The following RANBP9 variants were observed in gnomAD, a reference collection of about 807,000 sequenced individuals.
RANBP9 encodes the protein ran-binding protein 9.
RANBP9 carries 15 observed loss-of-function variants against 84.3 expected under a neutral mutation model. The observed-to-expected ratio is 0.18, with a 90% CI of 0.12 to 0.27. The LOEUF is 0.27. Among genes scored for constraint, RANBP9 ranks in the 10% least tolerant of loss-of-function variants. The pLI is 1.00. For synonymous variants in RANBP9, 392 were observed against 349.6 expected, an observed-to-expected ratio of 1.12 and a Z score of -1.35; for missense variants, 809 against 912.8, an observed-to-expected ratio of 0.89 and a Z score of 1.46.
intron 8 of RANBP9, 103 bp downstream of exon 8, chr6:13,641,096 G>A (rs1041363366): frequency 1.9e-5 from 14 of 736,758 alleles, no homozygotes; most frequent in African/African-American, 1.7e-4. Context: ...CTTGAAAAAC[G>A]AAAAAAACTA....
intron 12 of RANBP9, among the ~76,000 whole-genome samples, chr6:13,629,895 G>C (rs1007464974): frequency 1.4e-5 from 2 of 143,822 alleles, no homozygotes; most frequent in African/African-American, 5.2e-5. Flanking sequence ...TCATGTCTCT[G>C]TCTCTCTCTC....
At position 13,691,191 on chromosome 6, in the gene RANBP9, G is replaced by T. The variant is rs547421227; in HGVS notation, c.683+5594C>A. 2.7e-5 allele frequency among the ~76,000 whole-genome samples: 4 copies of T among 149,300 alleles called. No individual in the cohort carries two copies. The South Asian group carries it at 8.4e-4, about 31-fold the overall frequency. On this transcript the variant is annotated intron_variant, in intron 2 of 13. Coordinates refer to ENST00000011619, the MANE Select transcript of RANBP9 (RefSeq NM_005493.3). ...AAAAAAAAAAAAAAAAAGTCATGTAGATAAAGTGATTTAATTTTTCTTGTG... is the reference window on the plus strand; with the variant it reads ...AAAAAAAAAAAAAAAAAGTCATGTATATAAAGTGATTTAATTTTTCTTGTG...
At chr6:13,647,061 T>C (rs1214038425) in intron 5 of RANBP9, among the ~76,000 whole-genome samples, 1 of 152,206 alleles carries the variant, frequency 6.6e-6, no homozygotes, top group Admixed American at 6.5e-5. Flanking sequence ...AATAACCCTT[T>C]CATCTACTGT....
intron 2 of RANBP9, among the ~76,000 whole-genome samples, chr6:13,691,647 G>GT (rs373221884): frequency 3.3e-3 from 483 of 148,378 alleles, no homozygotes; most frequent in African/African-American, 5.0e-3. Context: ...AAAACTCAGT[G>GT]TTTTTTTTTT....
rs1446581013 is a variant in RANBP9 at position 13,711,020 on chromosome 6, C to G, written c.486G>C (p.Glu162Asp). The stretch of plus-strand genomic sequence containing the variant: ...GGCTCCAGGACCGAGGCAGCGGCGT[C>G]TCTTGTTCGTCCACGGCCGGGTAGA... ...KRLYPAVDEQ[E>D]TPLPRSWSPK... The change falls in exon 1 of 14, where the codon GAG (glutamate) becomes GAC (aspartate). Residue 162 changes from glutamate to aspartate, a missense_variant. Glu to Asp is a conservative substitution (Grantham distance 45, BLOSUM62 2). Around this residue, in one of 5 missense-constraint regions of RANBP9, gnomAD observed 302 missense variants for 240.1 expected, o/e 1.26. Transcript: ENST00000011619. 16 of 1,605,034 alleles carry G rather than the reference C, an allele frequency of 1.0e-5. No individual in the cohort carries two copies. Among genetic ancestry groups the G allele is most frequent in the Non-Finnish European group, 1.4e-5 (16 of 1,176,322 alleles).
chr6:13,705,004 C>CT (rs1207947079), intron 1 of RANBP9, among the ~76,000 whole-genome samples: 1 of 152,188 alleles, frequency 6.6e-6, no homozygotes, highest in Admixed American at 6.5e-5. Flanking sequence ...TTCTCCACCT[C>CT]TGAGTGTCCA....
At chr6:13,633,775 T>C (rs1764858226) in intron 11 of RANBP9, among the ~76,000 whole-genome samples, 1 of 152,162 alleles carries the variant, frequency 6.6e-6, no homozygotes, top group African/African-American at 2.4e-5. Flanking sequence ...AACATTGCCA[T>C]GGAATTCCAA....
chr6:13,635,013 C>T (rs1222727309), intron 10 of RANBP9, among the ~76,000 whole-genome samples: 1 of 152,128 alleles, frequency 6.6e-6, no homozygotes. Context: ...CACCTCGTTC[C>T]GGACCTCATA....
At chr6:13,650,925 C>T (rs1765281767) in intron 5 of RANBP9, among the ~76,000 whole-genome samples, 1 of 152,100 alleles carries the variant, frequency 6.6e-6, no homozygotes, top group South Asian at 2.1e-4. Context: ...GATCACACCA[C>T]TGCACTCCAA....
At chr6:13,664,465 T>TTTCTTTA (rs1006515815) in intron 2 of RANBP9, among the ~76,000 whole-genome samples, 57 of 151,882 alleles carry the variant, frequency 3.8e-4, no homozygotes, top group African/African-American at 1.3e-3. Flanking sequence ...GGCTTTTCTT[T>TTTCTTTA]TTTTTTAATC....
chr6:13,705,488 T>C (rs889831498), intron 1 of RANBP9, among the ~76,000 whole-genome samples: 2 of 151,552 alleles, frequency 1.3e-5, no homozygotes, highest in African/African-American at 4.9e-5. Flanking sequence ...ATTTACTTGA[T>C]TCTTGCAGTT....
At chr6:13,649,258 C>T (rs1392128427) in intron 5 of RANBP9, among the ~76,000 whole-genome samples, 1 of 151,920 alleles carries the variant, frequency 6.6e-6, no homozygotes, top group African/African-American at 2.4e-5. Context: ...ACCACTGTAC[C>T]CATTGTTACA....
intron 1 of RANBP9, among the ~76,000 whole-genome samples, chr6:13,703,156 G>A: frequency 6.6e-6 from 1 of 152,090 alleles, no homozygotes; most frequent in Non-Finnish European, 1.5e-5. Flanking sequence ...GGGATTACAG[G>A]TGTGAGCCAC....
Position 13,657,174 on chromosome 6 carries a change from A to T in RANBP9, c.839T>A (p.Val280Asp), listed in dbSNP as rs1410877608. The T allele has an allele frequency of 6.2e-7, 1 of 1,613,242 alleles. No individual in the cohort carries two copies. Among genetic ancestry groups the T allele is most frequent in the Admixed American group, 1.7e-5 (1 of 59,968 alleles). ...PYGPTFTTGD[V>D]IGCCVNLINN... ...GATAAGATTAACACAACAGCCAATG[A>T]CATCACCAGTAGTGAAAGTTGGTCC... Residue 280 changes from valine to aspartate, a missense_variant, in exon 4 of 14, where the codon GTC becomes GAC. Around this residue, in one of 5 missense-constraint regions of RANBP9, gnomAD observed 216 missense variants for 329.0 expected, o/e 0.66. Transcript: ENST00000011619.
At chr6:13,690,531 CA>C (rs1157416259) in intron 2 of RANBP9, among the ~76,000 whole-genome samples, 1 of 152,078 alleles carries the variant, frequency 6.6e-6, no homozygotes. Flanking sequence ...TTATTATCAG[CA>C]GAAGAATTTA....
intron 8 of RANBP9, among the ~76,000 whole-genome samples, 197 bp downstream of exon 8, chr6:13,641,002 A>G (rs1471303406): frequency 3.9e-5 from 6 of 152,200 alleles, no homozygotes; most frequent in Non-Finnish European, 1.5e-5. Flanking sequence ...AATACATAGC[A>G]AAAGACACCT....
intron 5 of RANBP9, among the ~76,000 whole-genome samples, chr6:13,650,641 A>G (rs956541408): frequency 5.3e-5 from 8 of 152,200 alleles, no homozygotes; most frequent in Admixed American, 5.2e-4. Flanking sequence ...CATGAAAGTG[A>G]CAGTATCAAA....
intron 10 of RANBP9, among the ~76,000 whole-genome samples, chr6:13,636,053 A>G (rs192187703): frequency 1.3e-5 from 2 of 152,308 alleles, no homozygotes; most frequent in Non-Finnish European, 2.9e-5. Flanking sequence ...GATGTAAATC[A>G]AGGAAAACAT....
At chr6:13,651,109 G>C (rs977199135) in intron 5 of RANBP9, among the ~76,000 whole-genome samples, 2 of 152,002 alleles carry the variant, frequency 1.3e-5, no homozygotes, top group African/African-American at 2.4e-5. Flanking sequence ...TAAAATCTAA[G>C]TTTAAATAAC....
Sources: gnomAD v4.1 joint callset for allele counts (sites outside exome capture counted in the v4.1 genomes callset) on GRCh38, gnomAD v4.1.1 for gene constraint, gnomAD v4.1.1 regional missense constraint, MANE v1.5 for transcripts, NCBI Gene and HGNC (gene_info 2026-07-23, HGNC 2026-07-21) for gene names.